The following SEMA6D variants were observed in gnomAD, a reference collection of about 807,000 sequenced individuals.
SEMA6D encodes semaphorin-6D.
SEMA6D carries 35 observed loss-of-function variants against 106.6 expected under a neutral mutation model. The ratio of observed to expected loss-of-function variants is 0.33; its 90% CI spans 0.25 to 0.44. The LOEUF is 0.44. Ranked by LOEUF, SEMA6D falls within the 20% of genes least tolerant of loss-of-function variation. The pLI is 1.00. For synonymous variants in SEMA6D, 499 were observed against 487.7 expected, an observed-to-expected ratio of 1.02 and a Z score of -0.31; for missense variants, 1,185 against 1,345.9, an observed-to-expected ratio of 0.88 and a Z score of 1.87.
chr15:47,585,879 G>C (rs1448004049), intron 3 of SEMA6D, among the ~76,000 whole-genome samples: 2 of 152,170 alleles, frequency 1.3e-5, no homozygotes, highest in East Asian at 3.9e-4. Context: ...TCTGGCACCA[G>C]CCTGCAGCCC....
intron 1 of SEMA6D, among the ~76,000 whole-genome samples, chr15:47,336,722 A>C (rs1595759665): frequency 6.6e-6 from 1 of 152,144 alleles, no homozygotes; most frequent in Admixed American, 6.6e-5. Context: ...ATTTACAGGC[A>C]AGGAGACTCT....
chr15:47,522,258 C>T (rs972759907), intron 3 of SEMA6D, among the ~76,000 whole-genome samples: 2 of 152,324 alleles, frequency 1.3e-5, no homozygotes, highest in South Asian at 2.1e-4. Flanking sequence ...ATTTCAAACT[C>T]ATGTCTATTC....
At chr15:47,471,072 A>C (rs1439576971) in intron 3 of SEMA6D, among the ~76,000 whole-genome samples, 1 of 152,202 alleles carries the variant, frequency 6.6e-6, no homozygotes, top group Non-Finnish European at 1.5e-5. Context: ...TGATGGGAGA[A>C]GCAGCAGCCA....
At chr15:47,501,930 C>A (rs1596169063) in intron 3 of SEMA6D, among the ~76,000 whole-genome samples, 1 of 152,012 alleles carries the variant, frequency 6.6e-6, no homozygotes, top group Non-Finnish European at 1.5e-5. Flanking sequence ...AATCAAACCT[C>A]TGGCCTGTAG....
At chr15:47,305,132 A>T (rs145110001) in intron 1 of SEMA6D, among the ~76,000 whole-genome samples, 164 of 152,336 alleles carry the variant, frequency 1.1e-3, no homozygotes, top group Non-Finnish European at 2.1e-3. Flanking sequence ...AAATTATCTA[A>T]GAGTAGGGCC....
At chr15:47,207,991 GCGCACACACACACACACACACACA>G (rs1183110746) in intron 1 of SEMA6D, among the ~76,000 whole-genome samples, 1,511 of 122,986 alleles carry the variant, frequency 0.012, 25 homozygotes, top group Non-Finnish European at 0.017. Flanking sequence ...ACTGGCGCGC[GCGCACACACACACACACACACACA>G]CACACACACA....
chr15:47,222,643 T>G (rs1326507595), intron 1 of SEMA6D, among the ~76,000 whole-genome samples: 1 of 152,182 alleles, frequency 6.6e-6, no homozygotes, highest in Non-Finnish European at 1.5e-5. Context: ...TCTCTCAGCT[T>G]CTCTGCATTT....
chr15:47,251,280 A>T (rs1023717855), intron 1 of SEMA6D, among the ~76,000 whole-genome samples: 3 of 152,144 alleles, frequency 2.0e-5, no homozygotes, highest in African/African-American at 7.2e-5. Flanking sequence ...GCTTGAACTC[A>T]TCCTTTGTGA....
Position 47,770,696 on chromosome 15 carries a change from T to C in SEMA6D, c.2133T>C (p.Ser711=). Residue 711 remains serine (S), a synonymous_variant, in exon 19 of 19, where the codon AGT becomes AGC. Coordinates refer to ENST00000536845, the MANE Select transcript of SEMA6D (RefSeq NM_001358351.3). ...AESAQSCTDS[S]GSFAKLNGLF... ...CCGCCCAGTCATGCACAGACTCCAGTGGAAGTTTTGCCAAACTGAATGGTC... is the reference window on the plus strand; with the variant it reads ...CCGCCCAGTCATGCACAGACTCCAGCGGAAGTTTTGCCAAACTGAATGGTC... 6.2e-7 allele frequency: 1 copy of C among 1,614,102 alleles called. No individual in the cohort carries two copies. The highest frequency in any genetic ancestry group is 8.5e-7 in the Non-Finnish European group (1 of 1,179,990).
At chr15:47,365,287 C>T (rs1182954974) in intron 1 of SEMA6D, among the ~76,000 whole-genome samples, 1 of 152,172 alleles carries the variant, frequency 6.6e-6, no homozygotes, top group East Asian at 1.9e-4. Flanking sequence ...TTAGCATATG[C>T]ACTTTTGCCT....
chr15:47,408,228 G>A (rs2040661584), intron 1 of SEMA6D, among the ~76,000 whole-genome samples: 1 of 152,098 alleles, frequency 6.6e-6, no homozygotes, highest in African/African-American at 2.4e-5. Flanking sequence ...GCTACAACTT[G>A]TAGCTGTTTG....
chr15:47,318,514 G>T lies in SEMA6D; in HGVS notation c.-238-93879G>T, dbSNP rs1048502395. On this transcript the variant is annotated intron_variant, in intron 1 of 19. Coordinates refer to the SEMA6D transcript ENST00000558014. ...TTCCCACCTATAAGTGAGAATATGC[G>T]ATGTTTGGTTTTTTGTTCTTGCGAT... 2.0e-4 allele frequency among the ~76,000 whole-genome samples: 30 copies of T among 147,846 alleles called. 1 individual carries two copies. Among genetic ancestry groups the T allele is most frequent in the Middle Eastern group, 3.4e-3 (1 of 292 alleles).
chr15:47,448,421 TTA>T (rs2042091556), intron 2 of SEMA6D, among the ~76,000 whole-genome samples: 1 of 152,086 alleles, frequency 6.6e-6, no homozygotes, highest in Non-Finnish European at 1.5e-5. Context: ...GGAGGCCTGG[TTA>T]TTGACACCTG....
intron 2 of SEMA6D, among the ~76,000 whole-genome samples, chr15:47,435,502 G>T (rs146890311): frequency 6.6e-6 from 1 of 151,922 alleles, no homozygotes; most frequent in Non-Finnish European, 1.5e-5. Context: ...ATGACATGTG[G>T]CTCCCTACCC....
intron 4 of SEMA6D, among the ~76,000 whole-genome samples, chr15:47,624,738 G>T (rs1164688014): frequency 6.6e-6 from 1 of 152,182 alleles, no homozygotes; most frequent in Non-Finnish European, 1.5e-5. Context: ...GAAAATGCAG[G>T]ACAAATTCAT....
chr15:47,727,878 GGAATTTTTTCCCTT>G (rs2079864230), intron 1 of SEMA6D, among the ~76,000 whole-genome samples: 1 of 152,210 alleles, frequency 6.6e-6, no homozygotes, highest in Non-Finnish European at 1.5e-5. Flanking sequence ...CGGTCAGGAT[GGAATTTTTTCCCTT>G]GTGCTTTGCA....
rs566002016 is a variant in SEMA6D at position 47,763,340 on chromosome 15, G to A, written c.747+236G>A. Among the ~76,000 whole-genome samples, 41 of 152,174 alleles carry A rather than the reference G, an allele frequency of 2.7e-4. No individual in the cohort carries two copies. The East Asian group carries it at 6.6e-3, about 24-fold the overall frequency. ...TTGAGAAGGTATCGTTTTTTTTCCT[G>A]CAGCCACAGAGAGTGTTCTACAGGT... On this transcript the variant is annotated intron_variant, in intron 9 of 18. Coordinates refer to ENST00000536845, the MANE Select transcript of SEMA6D (RefSeq NM_001358351.3).
intron 1 of SEMA6D, among the ~76,000 whole-genome samples, chr15:47,285,231 C>T (rs938305806): frequency 6.6e-6 from 1 of 151,796 alleles, no homozygotes; most frequent in African/African-American, 2.4e-5. Context: ...TGCCTTTCCC[C>T]CACTCTGTCT....
chr15:47,562,280 T>C (rs2046103623), intron 3 of SEMA6D, among the ~76,000 whole-genome samples: 1 of 152,044 alleles, frequency 6.6e-6, no homozygotes, highest in Non-Finnish European at 1.5e-5. Flanking sequence ...ATCCTTACAT[T>C]CACTATGCTA....
Sources: gnomAD v4.1 joint callset for allele counts (sites outside exome capture counted in the v4.1 genomes callset) on GRCh38, gnomAD v4.1.1 for gene constraint, MANE v1.5 for transcripts, NCBI Gene and HGNC (gene_info 2026-07-23, HGNC 2026-07-21) for gene names.